The following TCF4 variants were observed in gnomAD, a reference collection of about 807,000 sequenced individuals.
TCF4 encodes transcription factor 4.
TCF4 carries 3 observed loss-of-function variants against 82.1 expected under a neutral mutation model. The observed-to-expected ratio is 0.04, with a 90% CI of 0.02 to 0.09. TCF4 has a LOEUF of 0.09. TCF4 is among the 10% of genes least tolerant of loss of function. The probability of loss-of-function intolerance (pLI) is 1.00; values close to 1 mark genes in which losing one functional copy is unlikely to be tolerated. For missense variants in TCF4, 518 were observed against 852.7 expected, an observed-to-expected ratio of 0.61 and a Z score of 4.89; for synonymous variants, 276 against 309.6, an observed-to-expected ratio of 0.89 and a Z score of 1.14.
chr18:55,599,350 A>G (rs901927798), intron 2 of TCF4, among the ~76,000 whole-genome samples: 8 of 152,208 alleles, frequency 5.3e-5, no homozygotes, highest in African/African-American at 1.9e-4. Flanking sequence ...GTCTGCTCTG[A>G]CTTCTTGACC....
intron 3 of TCF4, among the ~76,000 whole-genome samples, chr18:55,559,042 A>G (rs1477043925): frequency 4.0e-5 from 3 of 75,686 alleles, no homozygotes; most frequent in Non-Finnish European, 8.4e-5. Flanking sequence ...TCTCCCCCCT[A>G]AAAAAAAAAA....
chr18:55,228,484 A>G, intron 18 of TCF4, 123 bp from the exon 19 acceptor site: 1 of 1,365,574 alleles, frequency 7.3e-7, no homozygotes, highest in East Asian at 2.3e-5. Context: ...CAAAAGGAAC[A>G]GTTACTAAGT....
intron 16 of TCF4, 25 bp downstream of exon 16, chr18:55,234,522 GA>G: frequency 6.2e-7 from 1 of 1,614,210 alleles, no homozygotes; most frequent in Non-Finnish European, 8.5e-7. Context: ...AGTGAGGTCA[GA>G]AGTGCCCTGG....
intron 3 of TCF4, among the ~76,000 whole-genome samples, chr18:55,486,328 C>T (rs1368254786): frequency 6.6e-6 from 1 of 152,110 alleles, no homozygotes; most frequent in South Asian, 2.1e-4. Flanking sequence ...GGTGGCCATG[C>T]TGCCTGTAAT....
At chr18:55,583,180 C>A (rs1243823763) in intron 3 of TCF4, among the ~76,000 whole-genome samples, 1 of 152,146 alleles carries the variant, frequency 6.6e-6, no homozygotes, top group Non-Finnish European at 1.5e-5. Flanking sequence ...TTTACCCTTA[C>A]AAGTAAACAT....
chr18:55,230,148 C>CAAAAAAAAAAAAAAAAAAAAAAA (rs398041379), intron 17 of TCF4: 1 of 103,282 alleles, frequency 9.7e-6, no homozygotes, highest in African/African-American at 3.8e-5. Flanking sequence ...CTGTCTCTTA[C>CAAAAAAAAAAAAAAAAAAAAAAA]AAAAAAAAAA....
At position 55,585,170 on chromosome 18, in the gene TCF4, C is replaced by T. The variant is rs970090028; in HGVS notation, c.145+110G>A. 8.2e-6 allele frequency: 8 copies of T among 977,562 alleles called. No homozygotes were observed. The African/African-American group carries it at 1.1e-4, about 14-fold the overall frequency. 60.6% of individuals were successfully genotyped at this position (977,562 alleles called of 1,614,324 possible). A position where few individuals can be genotyped will look rare whatever the true frequency, so the allele number is the denominator to read the frequency against. ...AATGCAATAACCGTATGATTACAGG[C>T]TAAAATTCAATGACTTTTTCAGAAC... On this transcript the variant is annotated intron_variant, in intron 3 of 19. Transcript: ENST00000354452.
chr18:55,609,892 C>A (rs1313139794), intron 2 of TCF4, among the ~76,000 whole-genome samples: 1 of 144,766 alleles, frequency 6.9e-6, no homozygotes, highest in Non-Finnish European at 1.6e-5. Context: ...TGTTTGATAT[C>A]ACAACTTCCA....
chr18:55,256,361 A>G (rs998285296), intron 14 of TCF4, among the ~76,000 whole-genome samples: 3 of 152,150 alleles, frequency 2.0e-5, no homozygotes, highest in Non-Finnish European at 4.4e-5. Flanking sequence ...ACAACTAATT[A>G]TGTGGATGTG....
intron 8 of TCF4, among the ~76,000 whole-genome samples, chr18:55,331,702 T>C (rs1196994446): frequency 1.3e-5 from 2 of 152,240 alleles, no homozygotes; most frequent in African/African-American, 2.4e-5. Context: ...TACTTTAGAC[T>C]GATAAAACAT....
intron 6 of TCF4, among the ~76,000 whole-genome samples, chr18:55,356,279 G>C (rs765686843): frequency 6.6e-6 from 1 of 152,108 alleles, no homozygotes; most frequent in Non-Finnish European, 1.5e-5. Flanking sequence ...ATTTGGAAAA[G>C]TTACTATAAA....
intron 3 of TCF4, among the ~76,000 whole-genome samples, chr18:55,574,292 T>C (rs1332377551): frequency 6.6e-6 from 1 of 152,216 alleles, no homozygotes; most frequent in African/African-American, 2.4e-5. Flanking sequence ...AAAGTGTCCT[T>C]TGAAAAAGTA....
At position 55,548,314 on chromosome 18, in the gene TCF4, T is replaced by C. The variant is rs182159121; in HGVS notation, c.145+36966A>G. 3.2e-3 allele frequency among the ~76,000 whole-genome samples: 486 copies of C among 152,316 alleles called. 5 individuals carry two copies. The highest frequency in any genetic ancestry group is 2.3e-3 in the Non-Finnish European group (155 of 68,032). Reference sequence around the variant, plus strand: ...TAGCTGTGGTCAGCAACTTAAATGATTTGCAAAATAATTACGTTCTGTAGC... The same window carrying C: ...TAGCTGTGGTCAGCAACTTAAATGACTTGCAAAATAATTACGTTCTGTAGC... On this transcript the variant is annotated intron_variant, in intron 3 of 19. Transcript: ENST00000354452.
At chr18:55,315,950 A>C (rs2074020521) in intron 8 of TCF4, among the ~76,000 whole-genome samples, 1 of 152,028 alleles carries the variant, frequency 6.6e-6, no homozygotes, top group South Asian at 2.1e-4. Context: ...TTTTTTAAGT[A>C]ATCAATAATG....
At chr18:55,253,315 G>C (rs187766191) in intron 15 of TCF4, among the ~76,000 whole-genome samples, 1 of 152,242 alleles carries the variant, frequency 6.6e-6, no homozygotes, top group Admixed American at 6.5e-5. Context: ...ATGCTTAAAC[G>C]AGAAATGCTA....
chr18:55,625,257 G>C (rs1415021805), intron 2 of TCF4, among the ~76,000 whole-genome samples: 3 of 99,986 alleles, frequency 3.0e-5, no homozygotes, highest in Non-Finnish European at 6.2e-5. Context: ...TTTTTTTTTT[G>C]AGATGGGAAC....
At chr18:55,457,761 C>T (rs1347749052) in intron 5 of TCF4, among the ~76,000 whole-genome samples, 10 of 152,114 alleles carry the variant, frequency 6.6e-5, no homozygotes. Flanking sequence ...AATAGAGACA[C>T]AAATGAACTA....
At chr18:55,525,057 C>T (rs1370440829) in intron 3 of TCF4, among the ~76,000 whole-genome samples, 1 of 152,088 alleles carries the variant, frequency 6.6e-6, no homozygotes, top group Admixed American at 6.6e-5. Context: ...TAGCTACCCA[C>T]CATATCCCCT....
chr18:55,342,934 A>G (rs1603239270), intron 8 of TCF4, among the ~76,000 whole-genome samples: 2 of 152,272 alleles, frequency 1.3e-5, no homozygotes, highest in East Asian at 3.9e-4. Flanking sequence ...AATCGGTAGA[A>G]TGAAAGACAT....
Sources: allele counts gnomAD v4.1 joint callset (sites outside exome capture counted in the v4.1 genomes callset), GRCh38; gene constraint gnomAD v4.1.1; transcripts MANE v1.5; gene names NCBI Gene and HGNC (gene_info 2026-07-23, HGNC 2026-07-21).